Variants in PSD3 observed in about 807,000 individuals in gnomAD.
PSD3 encodes pleckstrin and Sec7 domain containing 3.
Under a neutral mutation model 105.5 loss-of-function variants are expected in PSD3, and 49 were observed. The ratio of observed to expected loss-of-function variants is 0.46; its 90% CI spans 0.37 to 0.59. The LOEUF is 0.59. Among genes scored for constraint, PSD3 ranks in the 20% least tolerant of loss-of-function variants. PSD3 has a pLI of 0.00. For synonymous variants in PSD3, 557 were observed against 457.8 expected, an observed-to-expected ratio of 1.22 and a Z score of -2.77; for missense variants, 1,561 against 1,263.8, an observed-to-expected ratio of 1.24 and a Z score of -3.57.
At chr8:18,837,085 G>A (rs114914552) in intron 4 of PSD3, among the ~76,000 whole-genome samples, 1 of 152,164 alleles carries the variant, frequency 6.6e-6, no homozygotes. Flanking sequence ...CTACAAGGTA[G>A]GAGTGAGGAG....
At chr8:18,783,843 C>A (rs1808870992) in intron 8 of PSD3, among the ~76,000 whole-genome samples, 1 of 152,152 alleles carries the variant, frequency 6.6e-6, no homozygotes, top group African/African-American at 2.4e-5. Context: ...CCATGTTGGC[C>A]AGGCTGGTCT....
At chr8:18,916,378 A>ACACACACACACACAC (rs71218909) in intron 2 of PSD3, among the ~76,000 whole-genome samples, 3 of 84,072 alleles carry the variant, frequency 3.6e-5, no homozygotes, top group Admixed American at 1.2e-4. Context: ...ACACACACAC[A>ACACACACACACACAC]AACAGAATAC....
chr8:18,862,254 A>T (rs780683798), intron 4 of PSD3, among the ~76,000 whole-genome samples: 12 of 151,964 alleles, frequency 7.9e-5, no homozygotes, highest in Non-Finnish European at 1.3e-4. Context: ...AGGGTCCCAG[A>T]TTTTATGTAT....
chr8:18,539,058 T>C (rs1042513882), intron 15 of PSD3, among the ~76,000 whole-genome samples: 12 of 152,224 alleles, frequency 7.9e-5, no homozygotes, highest in Non-Finnish European at 4.4e-5. Context: ...AAATGTAGCT[T>C]TGCATTTTAC....
At chr8:18,546,860 T>C (rs951381302) in intron 15 of PSD3, among the ~76,000 whole-genome samples, 8 of 152,148 alleles carry the variant, frequency 5.3e-5, no homozygotes, top group Admixed American at 5.2e-4. Context: ...TTTTTTAGAT[T>C]CCACATATAA....
intron 1 of PSD3, among the ~76,000 whole-genome samples, chr8:18,947,742 C>T (rs1366501722): frequency 1.3e-5 from 2 of 152,196 alleles, no homozygotes; most frequent in Non-Finnish European, 2.9e-5. Flanking sequence ...ATTCTATCCC[C>T]CTTCTAGGAA....
chr8:19,006,712 C>G (rs568536223), intron 1 of PSD3, among the ~76,000 whole-genome samples: 3 of 152,030 alleles, frequency 2.0e-5, no homozygotes, highest in Admixed American at 1.3e-4. Flanking sequence ...CCACTGGACA[C>G]GGGCACCTTC....
intron 9 of PSD3, among the ~76,000 whole-genome samples, chr8:18,743,959 T>TTACCACCAC (rs1804782011): frequency 7.2e-6 from 1 of 138,814 alleles, no homozygotes; most frequent in African/African-American, 3.0e-5. Flanking sequence ...ACTCTGTCTC[T>TTACCACCAC]CACCACCACC....
At chr8:19,005,731 C>T (rs1460576339) in intron 1 of PSD3, among the ~76,000 whole-genome samples, 1 of 151,908 alleles carries the variant, frequency 6.6e-6, no homozygotes, top group Non-Finnish European at 1.5e-5. Flanking sequence ...TCAAGAGATC[C>T]TCCTACCTTG....
At chr8:18,949,244 A>AAAAAAAATATATATATATAT (rs1345423514) in intron 1 of PSD3, among the ~76,000 whole-genome samples, 1 of 14,404 alleles carries the variant, frequency 6.9e-5, no homozygotes, top group Non-Finnish European at 1.8e-4. Context: ...AAAAAAAAAA[A>AAAAAAAATATATATATATAT]ATATATATAT....
At chr8:18,887,702 C>T (rs1486592283) in intron 2 of PSD3, among the ~76,000 whole-genome samples, 1 of 152,140 alleles carries the variant, frequency 6.6e-6, no homozygotes, top group Non-Finnish European at 1.5e-5. Context: ...TATGAGGATG[C>T]ATGGGCTGAC....
At chr8:18,631,727 G>T (rs1386350585) in intron 11 of PSD3, among the ~76,000 whole-genome samples, 1 of 151,804 alleles carries the variant, frequency 6.6e-6, no homozygotes, top group Non-Finnish European at 1.5e-5. Flanking sequence ...AAGAACTTGG[G>T]AACATTAAGA....
chr8:18,711,726 G>A (rs1194906807), intron 9 of PSD3, among the ~76,000 whole-genome samples: 3 of 152,102 alleles, frequency 2.0e-5, no homozygotes, highest in East Asian at 3.9e-4. Flanking sequence ...ATCGTCAAGA[G>A]AGAAAATTAA....
At chr8:19,083,964 T>C (rs1488295484) in intron 1 of PSD3, among the ~76,000 whole-genome samples, 2 of 152,172 alleles carry the variant, frequency 1.3e-5, no homozygotes, top group African/African-American at 4.8e-5. Context: ...TTGGCAGAAA[T>C]CTTGGGAAAT....
intron 4 of PSD3, among the ~76,000 whole-genome samples, chr8:18,832,712 G>A (rs1328995131): frequency 6.6e-6 from 1 of 152,202 alleles, no homozygotes; most frequent in African/African-American, 2.4e-5. Context: ...CCACATGGCT[G>A]GAGAGGCCTC....
At chr8:18,898,071 T>C (rs2129460345) in intron 2 of PSD3, among the ~76,000 whole-genome samples, 1 of 152,320 alleles carries the variant, frequency 6.6e-6, no homozygotes, top group East Asian at 1.9e-4. Flanking sequence ...TTTTCTCATA[T>C]ACGGCTTTGA....
intron 4 of PSD3, among the ~76,000 whole-genome samples, chr8:18,822,389 T>C (rs75954235): frequency 0.024 from 3,720 of 152,270 alleles, 151 homozygotes; most frequent in African/African-American, 0.085. Context: ...CCTTTAGTAG[T>C]AGTACAGTCC....
intron 12 of PSD3, among the ~76,000 whole-genome samples, chr8:18,582,999 T>G (rs897874563): frequency 3.3e-5 from 5 of 152,058 alleles, no homozygotes; most frequent in Admixed American, 3.3e-4. Flanking sequence ...GGCTAATTTT[T>G]GCATTTTTAG....
intron 4 of PSD3, among the ~76,000 whole-genome samples, chr8:18,856,811 T>A (rs79750350): frequency 1.3e-5 from 2 of 152,292 alleles, no homozygotes; most frequent in East Asian, 1.9e-4. Flanking sequence ...CTGGGTGACT[T>A]TGAAGAGGTT....
Sources: gnomAD v4.1 joint callset for allele counts (sites outside exome capture counted in the v4.1 genomes callset) on GRCh38, gnomAD v4.1.1 for gene constraint, MANE v1.5 for transcripts, NCBI Gene and HGNC (gene_info 2026-07-23, HGNC 2026-07-21) for gene names.